CFAP299: variants seen among roughly 807,000 people sequenced by gnomAD.
CFAP299 encodes cilia and flagella associated protein 299.
In CFAP299, 21 loss-of-function variants were observed where a neutral mutation model predicts 27.0. The observed-to-expected ratio is 0.78, with a 90% CI of 0.55 to 1.12. The LOEUF is 1.12. Among genes scored for constraint, CFAP299 ranks in the 50% most tolerant of loss-of-function variants. CFAP299 has a pLI of 0.00. For missense variants in CFAP299, 310 were observed against 276.6 expected (o/e 1.12, Z -0.86); for synonymous variants, 104 against 98.1 (o/e 1.06, Z -0.36).
intron 3 of CFAP299, among the ~76,000 whole-genome samples, chr4:80,866,797 A>G (rs1732773064): frequency 6.6e-6 from 1 of 152,220 alleles, no homozygotes; most frequent in Non-Finnish European, 1.5e-5. Context: ...TTTGAAATAA[A>G]TTTAATCAGG....
intron 3 of CFAP299, among the ~76,000 whole-genome samples, chr4:80,865,282 C>G (rs1159818775): frequency 1.3e-5 from 2 of 152,260 alleles, no homozygotes; most frequent in East Asian, 1.9e-4. Flanking sequence ...ACTATTAACT[C>G]TGGAGCAAAA....
intron 4 of CFAP299, among the ~76,000 whole-genome samples, chr4:80,915,803 A>G (rs1417055747): frequency 6.6e-6 from 1 of 152,122 alleles, no homozygotes; most frequent in South Asian, 2.1e-4. Context: ...CAGGTATTAT[A>G]TATTTTCTCT....
At chr4:80,802,042 C>T (rs1728639478) in intron 3 of CFAP299, among the ~76,000 whole-genome samples, 1 of 152,052 alleles carries the variant, frequency 6.6e-6, no homozygotes, top group Non-Finnish European at 1.5e-5. Flanking sequence ...AAGAACAAAA[C>T]ACTCTACTTT....
intron 2 of CFAP299, chr4:80,387,432 A>G: frequency 1.1e-6 from 1 of 879,232 alleles, no homozygotes; most frequent in Non-Finnish European, 1.9e-6. Context: ...AACAAGTAGG[A>G]GCTGTAGATG....
chr4:80,807,432 G>C (rs1006722184), intron 3 of CFAP299, among the ~76,000 whole-genome samples: 1 of 152,018 alleles, frequency 6.6e-6, no homozygotes, highest in Non-Finnish European at 1.5e-5. Flanking sequence ...TACCAAACAC[G>C]TTTTAGATTA....
intron 3 of CFAP299, among the ~76,000 whole-genome samples, chr4:80,638,262 G>T (rs542304249): frequency 2.2e-4 from 33 of 152,254 alleles, no homozygotes; most frequent in African/African-American, 7.9e-4. Context: ...TTCAGTTTTA[G>T]TAATGGGGTG....
At chr4:80,858,982 G>A (rs1473527992) in intron 3 of CFAP299, among the ~76,000 whole-genome samples, 1 of 152,148 alleles carries the variant, frequency 6.6e-6, no homozygotes, top group East Asian at 1.9e-4. Context: ...TTTCTGTCTT[G>A]TTGATCTGTC....
intron 2 of CFAP299, among the ~76,000 whole-genome samples, chr4:80,447,427 G>A (rs1475858661): frequency 6.7e-6 from 1 of 149,212 alleles, no homozygotes; most frequent in African/African-American, 2.5e-5. Context: ...GAGCCACCGC[G>A]CCCGGCCTAT....
At chr4:80,578,902 TC>T (rs1736019883) in intron 2 of CFAP299, among the ~76,000 whole-genome samples, 1 of 152,202 alleles carries the variant, frequency 6.6e-6, no homozygotes, top group South Asian at 2.1e-4. Context: ...CCTGGGAAAT[TC>T]TTAGAATATT....
intron 2 of CFAP299, among the ~76,000 whole-genome samples, chr4:80,425,953 C>G (rs934205936): frequency 7.9e-5 from 12 of 152,042 alleles, no homozygotes; most frequent in Non-Finnish European, 1.5e-5. Context: ...TTCAAATATG[C>G]ATATGTATGT....
At chr4:80,895,102 G>A (rs1347162028) in intron 4 of CFAP299, among the ~76,000 whole-genome samples, 2 of 151,854 alleles carry the variant, frequency 1.3e-5, no homozygotes. Context: ...GAACAGCAAA[G>A]TGAATAGTTA....
intron 3 of CFAP299, among the ~76,000 whole-genome samples, chr4:80,824,284 A>G (rs1011619073): frequency 6.6e-6 from 1 of 152,172 alleles, no homozygotes; most frequent in African/African-American, 2.4e-5. Context: ...TTTGCTCAGC[A>G]GTGGCTACCC....
intron 4 of CFAP299, among the ~76,000 whole-genome samples, chr4:80,943,471 C>T (rs746350104): frequency 7.2e-5 from 11 of 151,892 alleles, no homozygotes; most frequent in Non-Finnish European, 1.2e-4. Context: ...GAGGGCAAAA[C>T]GACCTAGAAA....
At chr4:80,611,721 C>T (rs532595112) in intron 3 of CFAP299, among the ~76,000 whole-genome samples, 26 of 152,138 alleles carry the variant, frequency 1.7e-4, no homozygotes, top group Non-Finnish European at 3.5e-4. Context: ...TTCTCTTGGA[C>T]GTTTTGAGGA....
At chr4:80,560,908 A>T (rs1294670158) in intron 2 of CFAP299, among the ~76,000 whole-genome samples, 1 of 152,154 alleles carries the variant, frequency 6.6e-6, no homozygotes, top group Non-Finnish European at 1.5e-5. Context: ...AAAGGGAAGG[A>T]CACAGACCTG....
intron 3 of CFAP299, among the ~76,000 whole-genome samples, chr4:80,625,854 C>A (rs553229825): frequency 6.6e-6 from 1 of 151,842 alleles, no homozygotes; most frequent in Non-Finnish European, 1.5e-5. Flanking sequence ...CAAATATATA[C>A]GTACCCAATA....
chr4:80,721,356 A>C (rs561164019), intron 3 of CFAP299, among the ~76,000 whole-genome samples: 2 of 152,280 alleles, frequency 1.3e-5, no homozygotes, highest in Admixed American at 6.5e-5. Context: ...ATTTTCTCAC[A>C]ATTTTGGAAA....
At chr4:80,338,172 T>G (rs1722254202) in intron 1 of CFAP299, among the ~76,000 whole-genome samples, 1 of 152,176 alleles carries the variant, frequency 6.6e-6, no homozygotes, top group South Asian at 2.1e-4. Context: ...AACATTTTAT[T>G]TTAACTAACA....
chr4:80,418,514 T>C (rs576029196), intron 2 of CFAP299, among the ~76,000 whole-genome samples: 1 of 152,302 alleles, frequency 6.6e-6, no homozygotes, highest in African/African-American at 2.4e-5. Context: ...AATGTACTTT[T>C]AGTGTTATTG....
Sources: gnomAD v4.1 joint callset for allele counts (sites outside exome capture counted in the v4.1 genomes callset) on GRCh38, gnomAD v4.1.1 for gene constraint, MANE v1.5 for transcripts, NCBI Gene and HGNC (gene_info 2026-07-23, HGNC 2026-07-21) for gene names.